The following TMEM117 variants were observed in gnomAD, a reference collection of about 807,000 sequenced individuals.
TMEM117 encodes the protein transmembrane protein 117.
In TMEM117, 27 loss-of-function variants were observed where a neutral mutation model predicts 52.4. That is an observed-to-expected ratio of 0.51 (90% CI 0.38 to 0.71). The LOEUF is 0.71. TMEM117 is among the 30% of genes least tolerant of loss of function. The pLI is 0.00. For missense variants in TMEM117, 556 were observed against 630.5 expected, an observed-to-expected ratio of 0.88 and a Z score of 1.26; for synonymous variants, 215 against 206.3, an observed-to-expected ratio of 1.04 and a Z score of -0.36.
At position 43,992,703 on chromosome 12, in the gene TMEM117, G is replaced by T. The variant is rs1013165784; in HGVS notation, c.410+48361G>T. On this transcript the variant is annotated intron_variant, in intron 3 of 7. Transcript: ENST00000266534. ...ATGCATGTGTCCAGGTCTGGCCCAG[G>T]CCCCCAGCTTCACTTCCTGCTTGAG... is the stretch of plus-strand genomic sequence containing the variant. Among the ~76,000 whole-genome samples the T allele has an allele frequency of 2.0e-5, 3 of 152,080 alleles. No individual in the cohort carries two copies. The East Asian group carries it at 5.8e-4, about 29-fold the overall frequency.
chr12:43,836,433 C>T (rs2137333331), intron 1 of TMEM117, among the ~76,000 whole-genome samples: 1 of 152,158 alleles, frequency 6.6e-6, no homozygotes, highest in Non-Finnish European at 1.5e-5. Flanking sequence ...AGGGGGGACG[C>T]GCCAGCCCTC....
intron 3 of TMEM117, among the ~76,000 whole-genome samples, chr12:44,090,846 T>C (rs1028373656): frequency 8.4e-6 from 1 of 119,448 alleles, no homozygotes; most frequent in Non-Finnish European, 1.8e-5. Context: ...TGTGTTTTTT[T>C]TTGTTTTTTT....
intron 2 of TMEM117, among the ~76,000 whole-genome samples, chr12:43,914,155 G>A (rs2137540017): frequency 6.6e-6 from 1 of 152,184 alleles, no homozygotes; most frequent in East Asian, 1.9e-4. Context: ...CCAATGCATG[G>A]GAGAGTCGGG....
chr12:44,025,908 C>A (rs1946526300), intron 3 of TMEM117, among the ~76,000 whole-genome samples: 1 of 152,116 alleles, frequency 6.6e-6, no homozygotes, highest in South Asian at 2.1e-4. Flanking sequence ...TCCGCCCCCC[C>A]CACCCATAGA....
chr12:44,301,942 T>C lies in TMEM117; in HGVS notation c.768+2203T>C, dbSNP rs150784199. On this transcript the variant is annotated intron_variant, in intron 6 of 7. Transcript: ENST00000266534. Reference sequence around the variant, plus strand: ...AGGTTGGGCTATAACTCCAAATTAGTAGGTTTCTAATATAAAGATGAGTAA... The same window carrying C: ...AGGTTGGGCTATAACTCCAAATTAGCAGGTTTCTAATATAAAGATGAGTAA... Among the ~76,000 whole-genome samples the C allele has an allele frequency of 1.7e-3, 262 of 152,350 alleles. 1 individual carries two copies. The highest frequency in any genetic ancestry group is 6.0e-3 in the African/African-American group (251 of 41,582).
chr12:44,214,700 A>G (rs2138409052), intron 5 of TMEM117, among the ~76,000 whole-genome samples: 1 of 152,330 alleles, frequency 6.6e-6, no homozygotes, highest in South Asian at 2.1e-4. Flanking sequence ...CAAAAGTAGT[A>G]TTTCAAATCA....
intron 6 of TMEM117, among the ~76,000 whole-genome samples, chr12:44,337,979 G>A (rs1444572498): frequency 1.3e-5 from 2 of 152,092 alleles, no homozygotes; most frequent in Non-Finnish European, 2.9e-5. Context: ...GTTTAAAGTA[G>A]AAGGAAAAGC....
intron 3 of TMEM117, among the ~76,000 whole-genome samples, chr12:44,094,848 TCTTA>T (rs1947731150): frequency 6.6e-6 from 1 of 152,108 alleles, no homozygotes; most frequent in African/African-American, 2.4e-5. Flanking sequence ...AAATGTAAGT[TCTTA>T]CTGTGTGCCA....
chr12:44,397,304 G>A, the TMEM117 span, among the ~76,000 whole-genome samples: 1 of 152,178 alleles, frequency 6.6e-6, no homozygotes, highest in Non-Finnish European at 1.5e-5. Context: ...TGATGGGAAG[G>A]CAGTTATGTG....
chr12:44,122,169 C>T lies in TMEM117; in HGVS notation c.411-21356C>T, dbSNP rs569421959. 9.2e-4 allele frequency among the ~76,000 whole-genome samples: 139 copies of T among 151,874 alleles called. 1 individual carries two copies. Among genetic ancestry groups the T allele is most frequent in the African/African-American group, 2.9e-3 (120 of 41,394 alleles). ...AAACAATTCTCCTACCTCAGCCTCC[C>T]GAGTAGCTGGGATTACAGGTGCCCA... On this transcript the variant is annotated intron_variant, in intron 3 of 7. Coordinates refer to ENST00000266534, the MANE Select transcript of TMEM117 (RefSeq NM_032256.3).
chr12:43,807,130 G>T, the TMEM117 span, among the ~76,000 whole-genome samples: 1 of 151,090 alleles, frequency 6.6e-6, no homozygotes, highest in East Asian at 1.9e-4. Context: ...GGGGGGTTTG[G>T]TTTTTTTTTG....
chr12:44,377,974 A>G (rs1951965541), intron 7 of TMEM117, among the ~76,000 whole-genome samples: 1 of 152,176 alleles, frequency 6.6e-6, no homozygotes, highest in South Asian at 2.1e-4. Context: ...TATTAAATTC[A>G]CTGGGTAAAT....
chr12:44,089,295 A>C (rs1292868943), intron 3 of TMEM117, among the ~76,000 whole-genome samples: 1 of 152,232 alleles, frequency 6.6e-6, no homozygotes, highest in Admixed American at 6.5e-5. Flanking sequence ...CTTTATTGAA[A>C]TACAAAAATG....
chr12:44,134,248 C>G (rs1018012996), intron 3 of TMEM117, among the ~76,000 whole-genome samples: 2 of 152,174 alleles, frequency 1.3e-5, no homozygotes, highest in Non-Finnish European at 2.9e-5. Flanking sequence ...GGTTATCACT[C>G]TGTTGCCCAG....
At chr12:44,222,975 A>G (rs1949809163) in intron 5 of TMEM117, among the ~76,000 whole-genome samples, 1 of 132,244 alleles carries the variant, frequency 7.6e-6, no homozygotes, top group Admixed American at 6.9e-5. Context: ...GTAAGTGTGA[A>G]CCCTGATAAA....
At chr12:43,881,023 C>G (rs1246047637) in intron 2 of TMEM117, among the ~76,000 whole-genome samples, 1 of 152,156 alleles carries the variant, frequency 6.6e-6, no homozygotes, top group Non-Finnish European at 1.5e-5. Context: ...CTAAAACCGA[C>G]AACAAGGAGA....
chr12:44,057,366 C>G (rs144929759), intron 3 of TMEM117, among the ~76,000 whole-genome samples: 1 of 151,974 alleles, frequency 6.6e-6, no homozygotes, highest in Non-Finnish European at 1.5e-5. Flanking sequence ...TATACAAACA[C>G]GTAAAATAAT....
intron 3 of TMEM117, among the ~76,000 whole-genome samples, chr12:44,133,544 G>A (rs1592546010): frequency 8.6e-5 from 13 of 151,918 alleles, no homozygotes; most frequent in Admixed American, 8.5e-4. Context: ...AGCTGGTGTG[G>A]TGCAGCTTTT....
At chr12:44,228,319 T>G (rs1949889137) in intron 5 of TMEM117, among the ~76,000 whole-genome samples, 1 of 152,028 alleles carries the variant, frequency 6.6e-6, no homozygotes, top group African/African-American at 2.4e-5. Flanking sequence ...TCTAGAAATG[T>G]TTTGGAAAGA....
Sources: gnomAD v4.1 joint callset for allele counts (sites outside exome capture counted in the v4.1 genomes callset) on GRCh38, gnomAD v4.1.1 for gene constraint, MANE v1.5 for transcripts, NCBI Gene and HGNC (gene_info 2026-07-23, HGNC 2026-07-21) for gene names.